CHRDL1: variants seen among roughly 807,000 people sequenced by gnomAD.
The protein encoded by CHRDL1 is chordin-like protein 1.
Under a neutral mutation model 40.9 loss-of-function variants are expected in CHRDL1, and 19 were observed. The ratio of observed to expected loss-of-function variants is 0.46; its 90% confidence interval spans 0.32 to 0.68. The LOEUF (loss-of-function observed/expected upper bound fraction) is 0.68, where lower values mean the gene tolerates loss of function less well. CHRDL1 is among the 30% of genes least tolerant of loss of function. The pLI is 0.03. For synonymous variants in CHRDL1, 136 were observed against 123.4 expected (o/e 1.10, Z -0.68); for missense variants, 329 against 352.1 (o/e 0.93, Z 0.53).
At chrX:110,754,521 G>A (rs201966589) in intron 4 of CHRDL1, among the ~76,000 whole-genome samples, 1 of 112,248 alleles carries the variant, frequency 8.9e-6, no homozygotes, top group East Asian at 2.8e-4. Context: ...ATTGTTGAAA[G>A]AGAAATGACA....
intron 4 of CHRDL1, among the ~76,000 whole-genome samples, chrX:110,738,875 A>G (rs1019638338): frequency 1.1e-4 from 12 of 111,972 alleles, no homozygotes; most frequent in Non-Finnish European, 1.7e-4. Context: ...TCCAATTTTA[A>G]TGGTTTCCTT....
chrX:110,777,015 C>T (rs2089863413), intron 2 of CHRDL1, among the ~76,000 whole-genome samples: 1 of 111,317 alleles, frequency 9.0e-6, no homozygotes. Context: ...TGTCTCTTCC[C>T]TAACCCCTGT....
chrX:110,776,959 C>A (rs1322512614), intron 2 of CHRDL1, among the ~76,000 whole-genome samples: 1 of 111,108 alleles, frequency 9.0e-6, no homozygotes, highest in African/African-American at 3.3e-5. Context: ...TCAAAGAGAG[C>A]AATTTTACTG....
intron 4 of CHRDL1, among the ~76,000 whole-genome samples, chrX:110,733,931 CA>C (rs1172760631): frequency 0.087 from 1,043 of 12,052 alleles, 5 homozygotes; most frequent in African/African-American, 0.19. Flanking sequence ...AACTCTGTCT[CA>C]AAAAAAAAAA....
chrX:110,720,624 A>G (rs1314017045), intron 5 of CHRDL1, among the ~76,000 whole-genome samples: 1 of 111,879 alleles, frequency 8.9e-6, no homozygotes, highest in African/African-American at 3.2e-5. Flanking sequence ...CTACTGAGAT[A>G]CTATATTCTT....
At chrX:110,782,349 C>G (rs2089960268) in intron 2 of CHRDL1, among the ~76,000 whole-genome samples, 1 of 111,891 alleles carries the variant, frequency 8.9e-6, no homozygotes, top group African/African-American at 3.2e-5. Context: ...CATGACTAAT[C>G]AAGGTATGGA....
At chrX:110,700,614 T>A (rs764552087) in intron 7 of CHRDL1, 40 bp downstream of exon 7, 11 of 925,098 alleles carry the variant, frequency 1.2e-5, no homozygotes, top group Non-Finnish European at 1.7e-5. Flanking sequence ...CTTGGCCTGA[T>A]GCTGTGGAGT....
chrX:110,700,852 CCTT>C, intron 6 of CHRDL1, 131 bp from the exon 7 acceptor site: 1 of 438,513 alleles, frequency 2.3e-6, no homozygotes, highest in South Asian at 5.1e-5. Flanking sequence ...TTGTGGCTGT[CCTT>C]CAAAAAGCGG....
chrX:110,745,095 C>T (rs768917830), intron 4 of CHRDL1, among the ~76,000 whole-genome samples: 1 of 111,391 alleles, frequency 9.0e-6, no homozygotes, highest in South Asian at 3.8e-4. Flanking sequence ...AACAAAGCTC[C>T]TCTGCCCTAT....
At chrX:110,750,542 A>C (rs947076050) in intron 4 of CHRDL1, among the ~76,000 whole-genome samples, 5 of 112,525 alleles carry the variant, frequency 4.4e-5, no homozygotes, top group Non-Finnish European at 7.5e-5. Flanking sequence ...TAAGTTAAAA[A>C]CAGACTAAGC....
At chrX:110,707,514 C>T (rs1426598116) in intron 6 of CHRDL1, among the ~76,000 whole-genome samples, 5 of 111,736 alleles carry the variant, frequency 4.5e-5, no homozygotes, top group African/African-American at 6.5e-5. Context: ...TGATCTTTGA[C>T]AAACCTGAGA....
chrX:110,769,013 C>A (rs1027023994), intron 2 of CHRDL1, among the ~76,000 whole-genome samples: 2 of 111,716 alleles, frequency 1.8e-5, no homozygotes, highest in Non-Finnish European at 3.8e-5. Flanking sequence ...TATCTTATAC[C>A]ACAGTTCACT....
At chrX:110,697,319 A>G (rs2070406916) in intron 7 of CHRDL1, among the ~76,000 whole-genome samples, 2 of 110,160 alleles carry the variant, frequency 1.8e-5, no homozygotes, top group African/African-American at 6.7e-5. Context: ...AGAAAACATC[A>G]GGGTCCAGAA....
chrX:110,736,986 A>C (rs146796625), intron 4 of CHRDL1, among the ~76,000 whole-genome samples: 2,236 of 111,959 alleles, frequency 0.02, 59 homozygotes, highest in African/African-American at 0.068. Flanking sequence ...AAGTGGAGCT[A>C]TACTACATTG....
intron 6 of CHRDL1, among the ~76,000 whole-genome samples, chrX:110,701,438 C>T (rs887277460): frequency 3.6e-5 from 4 of 111,595 alleles, no homozygotes; most frequent in Non-Finnish European, 5.6e-5. Context: ...TAATATTCAA[C>T]ATATATTTTA....
intron 6 of CHRDL1, among the ~76,000 whole-genome samples, chrX:110,702,186 T>C (rs1378486931): frequency 9.0e-6 from 1 of 111,288 alleles, no homozygotes; most frequent in Non-Finnish European, 1.9e-5. Context: ...TACTCTTCAA[T>C]GGGAACCCTT....
At chrX:110,704,396 G>A (rs377161380) in intron 6 of CHRDL1, among the ~76,000 whole-genome samples, 1 of 111,857 alleles carries the variant, frequency 8.9e-6, no homozygotes, top group African/African-American at 3.2e-5. Context: ...GGGTTCCTAT[G>A]ATAAAACTGA....
intron 11 of CHRDL1, 66 bp downstream of exon 11, chrX:110,679,270 T>C: frequency 2.7e-6 from 2 of 752,906 alleles, no homozygotes; most frequent in Non-Finnish European, 4.2e-6. Context: ...GGACTTTAGC[T>C]GTGGCTATGC....
Position 110,679,541 on chromosome X carries a change from A to G in CHRDL1, c.1157-116T>C, listed in dbSNP as rs1205953841. The stretch of plus-strand genomic sequence containing the variant: ...TCATTACTAGGGCTTAAGAGTATCG[A>G]GTTGGGCTGTGTAATGTGCTTAACC... On this transcript the variant is annotated intron_variant, in intron 10 of 11. Transcript: ENST00000372042. The G allele has an allele frequency of 5.2e-5, 27 of 517,642 alleles. No homozygotes were observed. The East Asian group carries it at 9.0e-4, about 17-fold the overall frequency. The allele number at this position is 517,642 out of a possible 1,213,427, so 42.7% of individuals were successfully genotyped here. A position where few individuals can be genotyped will look rare whatever the true frequency, so the allele number is the denominator to read the frequency against.
Sources: gnomAD v4.1 joint callset for allele counts (sites outside exome capture counted in the v4.1 genomes callset) on GRCh38, gnomAD v4.1.1 for gene constraint, MANE v1.5 for transcripts, NCBI Gene and HGNC (gene_info 2026-07-23, HGNC 2026-07-21) for gene names.